The following ALPK3 variants were observed in gnomAD, a reference collection of about 807,000 sequenced individuals.
ALPK3 encodes the protein alpha-protein kinase 3.
In ALPK3, 102 loss-of-function variants were observed where a neutral mutation model predicts 140.0. The ratio of observed to expected loss-of-function variants is 0.73; its 90% confidence interval spans 0.62 to 0.86. The LOEUF (loss-of-function observed/expected upper bound fraction) is 0.86. Among genes scored for constraint, ALPK3 ranks in the 40% least tolerant of loss-of-function variants. The pLI, the probability that ALPK3 is intolerant of heterozygous loss-of-function variation, is 0.00. For synonymous variants in ALPK3, 938 were observed against 898.5 expected, an observed-to-expected ratio of 1.04 and a Z score of -0.79; for missense variants, 2,254 against 2,208.2, an observed-to-expected ratio of 1.02 and a Z score of -0.42.
chr15:84,854,351 G>A (rs867598854), intron 5 of ALPK3, among the ~76,000 whole-genome samples: 1 of 151,902 alleles, frequency 6.6e-6, no homozygotes, highest in Admixed American at 6.6e-5. Flanking sequence ...CCACTGGCAC[G>A]ATCTTGGCTC....
chr15:84,861,675 G>A (rs940292815), intron 9 of ALPK3, among the ~76,000 whole-genome samples: 1 of 151,906 alleles, frequency 6.6e-6, no homozygotes, highest in Admixed American at 6.6e-5. Flanking sequence ...ATTTTTTTCT[G>A]TAAAAAAGGG....
chr15:84,844,995 A>G (rs1043296219), intron 5 of ALPK3, among the ~76,000 whole-genome samples: 1 of 152,226 alleles, frequency 6.6e-6, no homozygotes. Flanking sequence ...TTGATTCTGT[A>G]TCTCCCACTG....
rs1010741163 is a variant in ALPK3 at position 84,868,438 on chromosome 15, G to C, written c.5100G>C (p.Lys1700Asn). Reference sequence around the variant, plus strand: ...CTCCCACCCAAGAGGAGGGCTCCAAGGCCCAGGGCATGCGGTAGCCTCCGC... The same window carrying C: ...CTCCCACCCAAGAGGAGGGCTCCAACGCCCAGGGCATGCGGTAGCCTCCGC... The part of the protein sequence containing the change: ...GQPPTQEEGS[K>N]AQGMR Residue 1700 changes from lysine to asparagine, a missense_variant, in exon 14 of 14, where the codon AAG becomes AAC. Coordinates refer to ENST00000258888, the MANE Select transcript of ALPK3 (RefSeq NM_020778.5). The C allele has an allele frequency of 1.4e-5, 23 of 1,609,202 alleles. No homozygotes were observed. Among genetic ancestry groups the C allele is most frequent in the Admixed American group, 3.3e-5 (2 of 59,978 alleles).
rs770595600 is a variant in ALPK3, at chr15:84,857,391, A to G, written c.2653A>G (p.Ser885Gly). The G allele has an allele frequency of 5.2e-5, 84 of 1,613,980 alleles. No individual in the cohort carries two copies. Among genetic ancestry groups the G allele is most frequent in the African/African-American group, 1.5e-4 (11 of 74,930 alleles). ...AGCTAGCCCAAAGGCGGGGCCGTGT[A>G]GCACCCCGACTTCTCAGCACGGGAG... The part of the protein sequence containing the change: ...LTASPKAGPC[S>G]TPTSQHGSTA... Residue 885 changes from serine (S) to glycine (G), a missense_variant, in exon 6 of 14, where the codon AGC (serine) becomes GGC (glycine). Coordinates refer to ENST00000258888, the MANE Select transcript of ALPK3 (RefSeq NM_020778.5).
Position 84,839,874 on chromosome 15 carries a change from A to C in ALPK3, c.595A>C (p.Ser199Arg). The C allele has an allele frequency of 6.2e-7, 1 of 1,614,082 alleles. No individual in the cohort carries two copies. ...GGCAAAGCTGCGCGAGATCGAGCAG[A>C]GCTGGAAGCACGAGAAGGCGGTGCC... ...AAAKLREIEQ[S>R]WKHEKAVPGE... The change falls in exon 5 of 14, where the codon AGC becomes CGC. Residue 199 changes from serine to arginine, a missense_variant. Ser to Arg is a moderately radical substitution (Grantham distance 110, BLOSUM62 -1). Transcript: ENST00000258888.
At chr15:84,819,978 A>G (rs1963404435) in intron 1 of ALPK3, among the ~76,000 whole-genome samples, 1 of 152,136 alleles carries the variant, frequency 6.6e-6, no homozygotes, top group Non-Finnish European at 1.5e-5. Context: ...AATATTTCCA[A>G]TGCCCACTGG....
Position 84,863,610 on chromosome 15 carries a change from G to C in ALPK3, c.4469G>C (p.Arg1490Pro), listed in dbSNP as rs752155273. The change falls in exon 11 of 14, where the codon CGG (arginine) becomes CCG (proline). Residue 1490 changes from arginine (R) to proline (P), a missense_variant. Physicochemically the swap from Arg to Pro is moderately radical, Grantham distance 103 (BLOSUM62 -2). This residue lies in a region of ALPK3 where 2,088 missense variants were observed against 2,022.9 expected (regional missense o/e 1.03). Transcript: ENST00000258888. Reference sequence around the variant, plus strand: ...TGCAAAATCTTCGCAGCAGAAGCCCGGGCCGCGCCTGGCTTTGGGGAGGTG... The same window carrying C: ...TGCAAAATCTTCGCAGCAGAAGCCCCGGCCGCGCCTGGCTTTGGGGAGGTG... ...EYCKIFAAEA[R>P]AAPGFGEVPE... 1 of 1,613,930 alleles carries C rather than the reference G, an allele frequency of 6.2e-7. No homozygotes were observed. The highest frequency in any genetic ancestry group is 8.5e-7 in the Non-Finnish European group (1 of 1,179,980).
chr15:84,862,263 GAATTCCAAAACAAAGT>G (rs1263631265), intron 9 of ALPK3, among the ~76,000 whole-genome samples: 1 of 152,050 alleles, frequency 6.6e-6, no homozygotes, highest in African/African-American at 2.4e-5. Context: ...TCAAAACAAC[GAATTCCAAAACAAAGT>G]AATTCTGGTA....
At position 84,868,585 on chromosome 15, in the gene ALPK3, C is replaced by G; in HGVS notation, c.*129C>G. 1 of 903,890 alleles carries G rather than the reference C, an allele frequency of 1.1e-6. No homozygotes were observed. Among genetic ancestry groups the G allele is most frequent in the Non-Finnish European group, 1.6e-6 (1 of 614,540 alleles). The allele number at this position is 903,890 out of a possible 1,614,324, so 56.0% of individuals were successfully genotyped here. A position where few individuals can be genotyped will look rare whatever the true frequency, so the allele number is the denominator to read the frequency against. ...CGAAGGAGACACCACTTGGGGACCT[C>G]TCTGAGCAGGCTCTCGTGAATCAGC... On this transcript the variant is annotated 3_prime_UTR_variant, in exon 14 of 14. Coordinates refer to ENST00000258888, the MANE Select transcript of ALPK3 (RefSeq NM_020778.5).
chr15:84,839,056 G>T lies in ALPK3; in HGVS notation c.381G>T (p.Glu127Asp). The change falls in exon 4 of 14, where the codon GAG (glutamate) becomes GAT (aspartate). Residue 127 changes from glutamate (E) to aspartate (D), a missense_variant. Around this residue, in one of 3 missense-constraint regions of ALPK3, gnomAD observed 2,088 missense variants for 2,022.9 expected, o/e 1.03. Transcript: ENST00000258888. ...GCTACTGTGGCTTGCCAAAATATGA[G>T]ATCACTCATCAGGGCAACCGCCACA... ...LDRYCGLPKYEITHQGNRHTL... is the reference protein window; with the variant it reads ...LDRYCGLPKYDITHQGNRHTL... The T allele has an allele frequency of 9.9e-6, 16 of 1,611,764 alleles. No individual in the cohort carries two copies. Among genetic ancestry groups the T allele is most frequent in the Non-Finnish European group, 1.4e-5 (16 of 1,178,702 alleles).
rs2141567342 is a variant in ALPK3 at position 84,856,680 on chromosome 15, A to G, written c.1942A>G (p.Ser648Gly). The change falls in exon 6 of 14, where the codon AGC (serine) becomes GGC (glycine). Residue 648 changes from serine to glycine, a missense_variant. This residue lies in a region of ALPK3 where 2,088 missense variants were observed against 2,022.9 expected (regional missense o/e 1.03). Transcript: ENST00000258888. Reference sequence around the variant, plus strand: ...GCAGGTGGATGCTGGGACACAAGAAAGCAAGAGGCCACAGTCAGACAGGAG... The same window carrying G: ...GCAGGTGGATGCTGGGACACAAGAAGGCAAGAGGCCACAGTCAGACAGGAG... ...KTQVDAGTQE[S>G]KRPQSDRSAQ... 6.2e-7 allele frequency: 1 copy of G among 1,614,104 alleles called. No homozygotes were observed. The highest frequency in any genetic ancestry group is 8.5e-7 in the Non-Finnish European group (1 of 1,180,024).
In ALPK3 at chr15:84,844,382, C is replaced by T. The variant is rs181336590; in HGVS notation, c.1653+3450C>T. Among the ~76,000 whole-genome samples, 998 of 151,482 alleles carry T rather than the reference C, an allele frequency of 6.6e-3. 10 individuals carry two copies. Among genetic ancestry groups the T allele is most frequent in the African/African-American group, 0.023 (941 of 41,266 alleles). The stretch of plus-strand genomic sequence containing the variant: ...AGATTGTGCTACTGCACTCCAGCCT[C>T]GGTGACAGAGTGAGATTCTGTCTCA... On this transcript the variant is annotated intron_variant, in intron 5 of 13. Coordinates refer to ENST00000258888, the MANE Select transcript of ALPK3 (RefSeq NM_020778.5).
intron 6 of ALPK3, 71 bp from the exon 7 acceptor site, chr15:84,859,172 G>T: frequency 6.3e-7 from 1 of 1,588,550 alleles, no homozygotes. Context: ...TTCCACCAAG[G>T]ACACCCAGGA....
Position 84,864,460 on chromosome 15 carries a change from G to A in ALPK3, c.4518G>A (p.Leu1506=). The stretch of plus-strand genomic sequence containing the variant: ...TGTTTAGGATCATCCCACTGTATCT[G>A]ATCTACCGGCCTGCAAACAATATCC... ...GEVPEIIPLY[L]IYRPANNIPY... is the part of the protein sequence containing the mutation. The change falls in exon 12 of 14, where the codon CTG becomes CTA. Residue 1506 remains leucine (L), a synonymous_variant. Coordinates refer to ENST00000258888, the MANE Select transcript of ALPK3 (RefSeq NM_020778.5). 4 of 1,614,110 alleles carry A rather than the reference G, an allele frequency of 2.5e-6. No homozygotes were observed. The highest frequency in any genetic ancestry group is 3.4e-6 in the Non-Finnish European group (4 of 1,180,012).
Position 84,862,869 on chromosome 15 carries a change from G to A in ALPK3, c.4364G>A (p.Ser1455Asn). The A allele has an allele frequency of 1.2e-6, 2 of 1,614,130 alleles. No homozygotes were observed. The highest frequency in any genetic ancestry group is 1.7e-6 in the Non-Finnish European group (2 of 1,180,024). ...TCCAGCCTGCTTGTGTTTGGGCCCA[G>A]CAGTGAGACTTCTCTTGTGGGCAGA... ...KVSSLLVFGPSSETSLVGRNY... is the reference protein window; with the variant it reads ...KVSSLLVFGPNSETSLVGRNY... Residue 1455 changes from serine (S) to asparagine (N), a missense_variant, in exon 10 of 14, where the codon AGC becomes AAC. Ser to Asn is a conservative substitution (Grantham distance 46, BLOSUM62 1). Transcript: ENST00000258888.
chr15:84,872,338 T>C lies in ALPK3; in HGVS notation c.*3882T>C, dbSNP rs1049497995. The C allele has an allele frequency of 1.3e-5, 2 of 152,246 alleles. No homozygotes were observed. Among genetic ancestry groups the C allele is most frequent in the African/African-American group, 2.4e-5 (1 of 41,462 alleles). 9.4% of individuals were successfully genotyped at this position (152,246 alleles called of 1,614,324 possible). On this transcript the variant is annotated 3_prime_UTR_variant, in exon 14 of 14. Transcript: ENST00000258888. Reference sequence around the variant, plus strand: ...TCTTGTCAGGACTTACCGCAAGCTATGTATGGCTCCGCGGTATGCCACCCA... The same window carrying C: ...TCTTGTCAGGACTTACCGCAAGCTACGTATGGCTCCGCGGTATGCCACCCA...
chr15:84,817,618 GCGGCGTCGGGC>G (rs1963376084), intron 1 of ALPK3, 23 bp downstream of exon 1: 1 of 1,478,902 alleles, frequency 6.8e-7, no homozygotes, highest in Non-Finnish European at 8.9e-7. Context: ...AAGGGGCAGG[GCGGCGTCGGGC>G]CGGCGATGCC....
rs9672152 is a variant in ALPK3, at chr15:84,852,032, G to A, written c.1654-4360G>A. ...GAAGATACTTTCCCAGATCCCCAGC[G>A]GATGCCTGACACTGCAGATAGTACC... On this transcript the variant is annotated intron_variant, in intron 5 of 13. Transcript: ENST00000258888. Among the ~76,000 whole-genome samples the A allele has an allele frequency of 6.8e-3, 1,028 of 152,234 alleles. 19 individuals carry two copies. The highest frequency in any genetic ancestry group is 0.023 in the African/African-American group (970 of 41,522).
intron 3 of ALPK3, among the ~76,000 whole-genome samples, chr15:84,832,916 G>A (rs1162926119): frequency 1.3e-5 from 2 of 152,182 alleles, no homozygotes; most frequent in African/African-American, 4.8e-5. Context: ...TAGCCATGGA[G>A]TTTAAGAGCA....
Sources: gnomAD v4.1 joint callset for allele counts (sites outside exome capture counted in the v4.1 genomes callset) on GRCh38, gnomAD v4.1.1 for gene constraint, gnomAD v4.1.1 regional missense constraint, MANE v1.5 for transcripts, NCBI Gene and HGNC (gene_info 2026-07-23, HGNC 2026-07-21) for gene names.